GALK2: variants seen among roughly 807,000 people sequenced by gnomAD.
The protein encoded by GALK2 is galactokinase 2, also known as N-acetylgalactosamine kinase.
Under a neutral mutation model 52.4 loss-of-function variants are expected in GALK2, and 36 were observed. The ratio of observed to expected loss-of-function variants is 0.69; its 90% CI spans 0.53 to 0.91. The LOEUF is 0.91. GALK2 is among the 40% of genes least tolerant of loss of function. The pLI, the probability that GALK2 is intolerant of heterozygous loss-of-function variation, is 0.00. For missense variants in GALK2, 579 were observed against 559.1 expected (o/e 1.04, Z -0.36); for synonymous variants, 176 against 199.1 (o/e 0.88, Z 0.98).
chr15:49,247,207 G>C (rs1380640715), intron 5 of GALK2, among the ~76,000 whole-genome samples: 1 of 152,104 alleles, frequency 6.6e-6, no homozygotes, highest in Non-Finnish European at 1.5e-5. Context: ...GGTCCCTGTG[G>C]TTGGGGTGTG....
At chr15:49,274,011 A>C (rs2044123038) in intron 5 of GALK2, among the ~76,000 whole-genome samples, 1 of 152,152 alleles carries the variant, frequency 6.6e-6, no homozygotes, top group Non-Finnish European at 1.5e-5. Context: ...TTGGGCCTGA[A>C]GGTACCCTCG....
chr15:49,226,396 A>T (rs3098621), intron 3 of GALK2, among the ~76,000 whole-genome samples: 89,276 of 151,790 alleles, frequency 0.59, 26,399 homozygotes, highest in Middle Eastern at 0.66. Flanking sequence ...CCTCAGTGTC[A>T]GTGTTGCTTC....
At chr15:49,265,734 A>AT (rs1056385706) in intron 5 of GALK2, among the ~76,000 whole-genome samples, 11 of 151,640 alleles carry the variant, frequency 7.3e-5, no homozygotes, top group Non-Finnish European at 1.3e-4. Flanking sequence ...CAGTAGTTCC[A>AT]TGTTTTTTTA....
At chr15:49,287,021 G>A (rs935915738) in intron 7 of GALK2, among the ~76,000 whole-genome samples, 1 of 152,206 alleles carries the variant, frequency 6.6e-6, no homozygotes. Context: ...GGATAAAATT[G>A]TAGTGCTGAG....
At chr15:49,266,719 C>G (rs1472012774) in intron 5 of GALK2, among the ~76,000 whole-genome samples, 1 of 152,292 alleles carries the variant, frequency 6.6e-6, no homozygotes, top group African/African-American at 2.4e-5. Context: ...ACTCCTGGAT[C>G]TATGAATGGT....
At chr15:49,273,995 C>T (rs979944806) in intron 5 of GALK2, among the ~76,000 whole-genome samples, 1 of 152,130 alleles carries the variant, frequency 6.6e-6, no homozygotes, top group Non-Finnish European at 1.5e-5. Context: ...TGTGCTGTTG[C>T]TGCCCTTGGG....
At chr15:49,268,351 AG>A (rs1199249180) in intron 5 of GALK2, among the ~76,000 whole-genome samples, 1 of 152,222 alleles carries the variant, frequency 6.6e-6, no homozygotes, top group Non-Finnish European at 1.5e-5. Context: ...GAGATGTAAA[AG>A]CTGAGTTGCA....
intron 3 of GALK2, among the ~76,000 whole-genome samples, chr15:49,361,297 A>G (rs1429063791): frequency 6.6e-6 from 1 of 152,120 alleles, no homozygotes; most frequent in Admixed American, 6.5e-5. Flanking sequence ...TTTGTTACAT[A>G]GGTAAATTGA....
chr15:49,268,326 T>C (rs965783759), intron 5 of GALK2, among the ~76,000 whole-genome samples: 1 of 152,128 alleles, frequency 6.6e-6, no homozygotes, highest in Non-Finnish European at 1.5e-5. Context: ...TGGGAAAGGC[T>C]TTGTGGTGTC....
At chr15:49,350,754 T>C (rs2042123690) in intron 3 of GALK2, among the ~76,000 whole-genome samples, 1 of 152,184 alleles carries the variant, frequency 6.6e-6, no homozygotes, top group Non-Finnish European at 1.5e-5. Flanking sequence ...TTCTCTCTTA[T>C]TTGCTCCAAG....
chr15:49,228,688 T>TATATATATGTATATATATA, intron 3 of GALK2, among the ~76,000 whole-genome samples: 4 of 10,440 alleles, frequency 3.8e-4, no homozygotes, highest in East Asian at 2.3e-3. Context: ...TATATATATA[T>TATATATATGTATATATATA]TTTTTTTTTT....
chr15:49,349,448 A>G (rs1398894016), intron 3 of GALK2, among the ~76,000 whole-genome samples: 2 of 152,216 alleles, frequency 1.3e-5, no homozygotes, highest in Admixed American at 6.5e-5. Flanking sequence ...TTTCTCTAAG[A>G]GCAAAATTTA....
At chr15:49,314,711 A>G (rs1202838150) in intron 8 of GALK2, among the ~76,000 whole-genome samples, 1 of 152,248 alleles carries the variant, frequency 6.6e-6, no homozygotes, top group Non-Finnish European at 1.5e-5. Context: ...ACAACCACAA[A>G]CCAATGAACA....
chr15:49,258,404 G>A (rs2091908386), intron 5 of GALK2, among the ~76,000 whole-genome samples: 1 of 151,956 alleles, frequency 6.6e-6, no homozygotes, highest in Non-Finnish European at 1.5e-5. Context: ...AGAGATTTTG[G>A]GATAAGGGCA....
chr15:49,268,829 T>C (rs893395965), intron 5 of GALK2, among the ~76,000 whole-genome samples: 4 of 152,234 alleles, frequency 2.6e-5, no homozygotes, highest in African/African-American at 9.6e-5. Flanking sequence ...TCTCCTGGTC[T>C]AGGTTAGTTT....
At chr15:49,164,883 T>C (rs1472505029) in intron 1 of GALK2, among the ~76,000 whole-genome samples, 1 of 151,914 alleles carries the variant, frequency 6.6e-6, no homozygotes, top group Non-Finnish European at 1.5e-5. Flanking sequence ...TAATGTACAC[T>C]GTAAGCTTGA....
chr15:49,186,466 A>G (rs541613193), intron 1 of GALK2, among the ~76,000 whole-genome samples: 1 of 151,754 alleles, frequency 6.6e-6, no homozygotes, highest in East Asian at 1.9e-4. Flanking sequence ...TGATTCTTTT[A>G]AATTATTTTA....
intron 2 of GALK2, among the ~76,000 whole-genome samples, chr15:49,206,406 T>A (rs2088290176): frequency 6.6e-6 from 1 of 152,008 alleles, no homozygotes; most frequent in Non-Finnish European, 1.5e-5. Flanking sequence ...ATTTGTAGAT[T>A]GCTTTTGGCA....
rs79453930 is a variant in GALK2, at chr15:49,286,058, G to A, written c.756+2340G>A. ...CCCTCTTTGAAGTCTTAGTCTAAAT[G>A]TCCCTCAAGGAAGCCTTCCCTGACT... On this transcript the variant is annotated intron_variant, in intron 7 of 9. Coordinates refer to ENST00000560031, the MANE Select transcript of GALK2 (RefSeq NM_002044.4). Among the ~76,000 whole-genome samples, 973 of 152,232 alleles carry A rather than the reference G, an allele frequency of 6.4e-3. 17 individuals are homozygous for A. Among genetic ancestry groups the A allele is most frequent in the African/African-American group, 0.023 (935 of 41,536 alleles).
Sources: gnomAD v4.1 joint callset for allele counts (sites outside exome capture counted in the v4.1 genomes callset) on GRCh38, gnomAD v4.1.1 for gene constraint, MANE v1.5 for transcripts, NCBI Gene and HGNC (gene_info 2026-07-23, HGNC 2026-07-21) for gene names.